The following NCAM2 variants were observed in gnomAD, a reference collection of about 807,000 sequenced individuals.
NCAM2 encodes N-CAM-2.
In NCAM2, 30 loss-of-function variants were observed where a neutral mutation model predicts 98.1. The observed-to-expected ratio is 0.31, with a 90% confidence interval of 0.23 to 0.41. The LOEUF (loss-of-function observed/expected upper bound fraction) is 0.41, where lower values mean the gene tolerates loss of function less well. Ranked by LOEUF, NCAM2 falls within the 10% of genes least tolerant of loss-of-function variation. The pLI, the probability that NCAM2 is intolerant of heterozygous loss-of-function variation, is 1.00. For synonymous variants in NCAM2, 368 were observed against 342.4 expected, an observed-to-expected ratio of 1.07 and a Z score of -0.83; for missense variants, 867 against 1,005.8, an observed-to-expected ratio of 0.86 and a Z score of 1.87.
At chr21:21,068,287 C>T (rs62207578) in intron 1 of NCAM2, among the ~76,000 whole-genome samples, 4 of 151,086 alleles carry the variant, frequency 2.6e-5, no homozygotes, top group African/African-American at 9.8e-5. Context: ...CACCCACCAC[C>T]GTGCCTGGCT....
At chr21:21,465,335 C>G (rs1983541061) in intron 12 of NCAM2, among the ~76,000 whole-genome samples, 1 of 151,848 alleles carries the variant, frequency 6.6e-6, no homozygotes, top group Non-Finnish European at 1.5e-5. Flanking sequence ...AAATCCAAGA[C>G]TTTGGGAGGC....
chr21:21,209,360 T>C (rs2069560027), intron 1 of NCAM2, among the ~76,000 whole-genome samples: 1 of 152,224 alleles, frequency 6.6e-6, no homozygotes, highest in African/African-American at 2.4e-5. Context: ...CGACTATAGA[T>C]GTACAACACA....
chr21:21,253,451 A>G (rs955058929), intron 1 of NCAM2, among the ~76,000 whole-genome samples: 2 of 152,102 alleles, frequency 1.3e-5, no homozygotes, highest in African/African-American at 4.8e-5. Context: ...GAGCCCTTAT[A>G]AATGGAATTG....
intron 15 of NCAM2, among the ~76,000 whole-genome samples, chr21:21,483,748 G>A (rs1986102236): frequency 6.6e-6 from 1 of 152,028 alleles, no homozygotes; most frequent in East Asian, 1.9e-4. Context: ...ATTTAGTTTA[G>A]CATGTAGTGA....
At chr21:21,468,048 C>T (rs1282326478) in intron 13 of NCAM2, among the ~76,000 whole-genome samples, 1 of 151,866 alleles carries the variant, frequency 6.6e-6, no homozygotes, top group South Asian at 2.1e-4. Flanking sequence ...ATATAAGCAT[C>T]ATTGTTATAT....
At chr21:21,423,878 C>T (rs951708914) in intron 11 of NCAM2, among the ~76,000 whole-genome samples, 3 of 152,164 alleles carry the variant, frequency 2.0e-5, no homozygotes, top group Non-Finnish European at 4.4e-5. Context: ...ATAAGTCATC[C>T]TTGAGAACAG....
intron 1 of NCAM2, among the ~76,000 whole-genome samples, chr21:21,053,639 G>C (rs911071624): frequency 6.7e-6 from 1 of 149,200 alleles, no homozygotes; most frequent in Non-Finnish European, 1.5e-5. Context: ...TTTCTAATGC[G>C]CTATCATTTT....
intron 1 of NCAM2, among the ~76,000 whole-genome samples, chr21:21,238,042 A>G (rs1185067040): frequency 1.5e-5 from 2 of 134,610 alleles, no homozygotes; most frequent in African/African-American, 5.7e-5. Flanking sequence ...TGCAACCCCT[A>G]CCTCCTGGGT....
chr21:21,014,310 G>A (rs566762763), intron 1 of NCAM2, among the ~76,000 whole-genome samples: 1 of 152,040 alleles, frequency 6.6e-6, no homozygotes, highest in African/African-American at 2.4e-5. Flanking sequence ...TGTAGTTCCA[G>A]CTACTCTGGA....
intron 1 of NCAM2, among the ~76,000 whole-genome samples, chr21:21,125,714 T>TAAAGAGAG (rs1555887746): frequency 7.4e-6 from 1 of 134,404 alleles, no homozygotes; most frequent in Non-Finnish European, 1.6e-5. Context: ...TATATATATA[T>TAAAGAGAG]AGAGAGAGAG....
intron 11 of NCAM2, among the ~76,000 whole-genome samples, chr21:21,431,123 T>TTGTGTGTGTGTGTGTGTG (rs3037969): frequency 0.052 from 7,364 of 141,104 alleles, 259 homozygotes; most frequent in Non-Finnish European, 0.074. Context: ...TAATATATGT[T>TTGTGTGTGTGTGTGTGTG]TGTGTGTGTG....
intron 9 of NCAM2, among the ~76,000 whole-genome samples, chr21:21,394,469 C>CTGTTTTTTTTTTTTTTTTTTT (rs2076453326): frequency 1.7e-5 from 1 of 57,632 alleles, no homozygotes; most frequent in African/African-American, 8.0e-5. Flanking sequence ...AAGGGGCCAG[C>CTGTTTTTTTTTTTTTTTTTTT]TTTTTTTTTT....
chr21:21,355,216 A>G (rs2075438218), intron 8 of NCAM2, among the ~76,000 whole-genome samples: 1 of 151,950 alleles, frequency 6.6e-6, no homozygotes, highest in Non-Finnish European at 1.5e-5. Flanking sequence ...CATGGATCGC[A>G]TGAGGCCAGG....
chr21:21,342,334 A>G (rs771943331), intron 8 of NCAM2, among the ~76,000 whole-genome samples: 4 of 152,164 alleles, frequency 2.6e-5, no homozygotes, highest in Non-Finnish European at 5.9e-5. Context: ...ATCACTTGGA[A>G]TCTCTAATGT....
intron 13 of NCAM2, among the ~76,000 whole-genome samples, chr21:21,467,428 T>TATATATATCTTTA: frequency 7.1e-6 from 1 of 140,730 alleles, no homozygotes; most frequent in African/African-American, 2.8e-5. Flanking sequence ...ATATATCTTT[T>TATATATATCTTTA]TATATATATA....
intron 1 of NCAM2, among the ~76,000 whole-genome samples, chr21:21,238,641 A>G (rs12233335): frequency 0.017 from 2,599 of 151,998 alleles, 97 homozygotes; most frequent in East Asian, 0.16. Flanking sequence ...TCTTCTTAAT[A>G]TTAGTATTTG....
chr21:21,048,085 C>A lies in NCAM2; in HGVS notation c.55+49467C>A, dbSNP rs529425885. ...TGTTTTCCTTCTTTCCTTTCCAAAT[C>A]CAGGAGATAAATCAACTAAGAGCCA... On this transcript the variant is annotated intron_variant, in intron 1 of 17. Transcript: ENST00000400546. 1.1e-4 allele frequency among the ~76,000 whole-genome samples: 16 copies of A among 152,232 alleles called. No individual in the cohort carries two copies. The South Asian group carries it at 2.3e-3, about 22-fold the overall frequency.
chr21:21,509,744 G>C (rs1988241846), intron 16 of NCAM2, among the ~76,000 whole-genome samples: 1 of 151,994 alleles, frequency 6.6e-6, no homozygotes, highest in Non-Finnish European at 1.5e-5. Context: ...TTTCCATTTT[G>C]TTTTATTGTG....
At chr21:21,488,613 A>G (rs970111576) in intron 15 of NCAM2, among the ~76,000 whole-genome samples, 7 of 151,990 alleles carry the variant, frequency 4.6e-5, no homozygotes, top group African/African-American at 1.7e-4. Context: ...ATTTGGGTCT[A>G]GCTTTCAAGA....
Sources: gnomAD v4.1 joint callset for allele counts (sites outside exome capture counted in the v4.1 genomes callset) on GRCh38, gnomAD v4.1.1 for gene constraint, MANE v1.5 for transcripts, NCBI Gene and HGNC (gene_info 2026-07-23, HGNC 2026-07-21) for gene names.